The following NOS1 variants were observed in gnomAD, a reference collection of about 807,000 sequenced individuals.
NOS1 encodes the protein NOS type I.
A neutral mutation model predicts 164.5 loss-of-function variants in NOS1; 51 were observed. The observed-to-expected ratio is 0.31, with a 90% confidence interval of 0.25 to 0.39. The LOEUF (loss-of-function observed/expected upper bound fraction) is 0.39, where lower values mean the gene tolerates loss of function less well. Among genes scored for constraint, NOS1 ranks in the 10% least tolerant of loss-of-function variants. The pLI is 1.00. For missense variants in NOS1, 1,362 were observed against 1,885.6 expected, an observed-to-expected ratio of 0.72 and a Z score of 5.14; for synonymous variants, 719 against 745.8, an observed-to-expected ratio of 0.96 and a Z score of 0.59.
At chr12:117,287,982 C>A in intron 5 of NOS1, 92 bp downstream of exon 5, 1 of 1,451,282 alleles carries the variant, frequency 6.9e-7, no homozygotes. Context: ...AGGCCTTGTG[C>A]CTTGGCCTTG....
chr12:117,332,415 A>C (rs911039606), intron 1 of NOS1, among the ~76,000 whole-genome samples: 2 of 152,104 alleles, frequency 1.3e-5, no homozygotes, highest in African/African-American at 4.8e-5. Context: ...TTTTAAACTT[A>C]TACTCTAGCT....
At position 117,353,863 on chromosome 12, in the gene NOS1, G is replaced by A. The variant is rs1230303422; in HGVS notation, c.-421+7649C>T. 3.9e-5 allele frequency among the ~76,000 whole-genome samples: 6 copies of A among 152,126 alleles called. No individual in the cohort carries two copies. The East Asian group carries it at 1.2e-3, about 29-fold the overall frequency. On this transcript the variant is annotated intron_variant, in intron 1 of 28. Coordinates refer to ENST00000317775, the MANE Select transcript of NOS1 (RefSeq NM_000620.5). Reference sequence around the variant, plus strand: ...GCCTGTAATCCCAGCACTTTGGGACGCTGAGGCAGGAGGATCATTTGAGCC... The same window carrying A: ...GCCTGTAATCCCAGCACTTTGGGACACTGAGGCAGGAGGATCATTTGAGCC...
chr12:117,219,746 A>G (rs918718385), intron 27 of NOS1, among the ~76,000 whole-genome samples: 1 of 152,202 alleles, frequency 6.6e-6, no homozygotes, highest in Non-Finnish European at 1.5e-5. Context: ...CAACCTGCAC[A>G]ACTACATGGG....
intron 27 of NOS1, among the ~76,000 whole-genome samples, chr12:117,219,065 A>G (rs1411966153): frequency 7.1e-5 from 10 of 140,558 alleles, no homozygotes; most frequent in Non-Finnish European, 1.2e-4. Flanking sequence ...TGCAACCTCC[A>G]CCTCCCGGGT....
At chr12:117,229,577 T>TATC (rs1041621194) in intron 22 of NOS1, among the ~76,000 whole-genome samples, 1 of 151,956 alleles carries the variant, frequency 6.6e-6, no homozygotes, top group African/African-American at 2.4e-5. Flanking sequence ...TCTATCTATC[T>TATC]ATCTATCTAT....
intron 1 of NOS1, among the ~76,000 whole-genome samples, chr12:117,334,436 G>A (rs111832464): frequency 1.2e-3 from 182 of 151,996 alleles, no homozygotes; most frequent in African/African-American, 4.2e-3. Flanking sequence ...TCACTCTGTC[G>A]CCCAGGCTGG....
intron 1 of NOS1, among the ~76,000 whole-genome samples, chr12:117,342,152 CTCA>C (rs1566084232): frequency 6.6e-6 from 1 of 152,168 alleles, no homozygotes; most frequent in South Asian, 2.1e-4. Flanking sequence ...TTTGCCTCCT[CTCA>C]TCTTTTCTTT....
chr12:117,232,193 T>A (rs1869296853), intron 21 of NOS1, 62 bp from the exon 22 acceptor site: 2 of 1,518,716 alleles, frequency 1.3e-6, no homozygotes, highest in Non-Finnish European at 1.8e-6. Flanking sequence ...AGTCGGGGGT[T>A]CAGGTCTGCT....
chr12:117,290,165 G>C (rs988228878), intron 4 of NOS1, 133 bp downstream of exon 4: 9 of 1,025,308 alleles, frequency 8.8e-6, no homozygotes, highest in South Asian at 3.4e-5. Context: ...TGACATCTAG[G>C]GGGTATGGGT....
chr12:117,221,457 T>C (rs908658934), intron 26 of NOS1, among the ~76,000 whole-genome samples: 1 of 151,746 alleles, frequency 6.6e-6, no homozygotes. Context: ...CTAATTTTTA[T>C]ATTTTTATTA....
chr12:117,345,798 G>A (rs1223977451), intron 1 of NOS1, among the ~76,000 whole-genome samples: 3 of 152,130 alleles, frequency 2.0e-5, no homozygotes, highest in Non-Finnish European at 4.4e-5. Context: ...GGTCGAGGCT[G>A]CAGTGAGCCA....
At chr12:117,218,390 T>G (rs991838241) in intron 27 of NOS1, among the ~76,000 whole-genome samples, 1 of 152,062 alleles carries the variant, frequency 6.6e-6, no homozygotes, top group African/African-American at 2.4e-5. Flanking sequence ...ATAGCCCAGT[T>G]GGCAAAGAAC....
Position 117,212,766 on chromosome 12 carries a change from C to T in NOS1, c.*2543G>A. ...ACGAGGCCTGGATGAAAAGCCACCACGAGAGGGCAGTATTTCCCCACCCTT... is the reference window on the plus strand; with the variant it reads ...ACGAGGCCTGGATGAAAAGCCACCATGAGAGGGCAGTATTTCCCCACCCTT... On this transcript the variant is annotated 3_prime_UTR_variant, in exon 29 of 29. Coordinates refer to ENST00000317775, the MANE Select transcript of NOS1 (RefSeq NM_000620.5). 3.0e-6 allele frequency: 3 copies of T among 985,460 alleles called. No homozygotes were observed. The highest frequency in any genetic ancestry group is 1.2e-6 in the Non-Finnish European group (1 of 829,950). The allele number at this position is 985,460 out of a possible 1,614,324, so 61.0% of individuals were successfully genotyped here. A position where few individuals can be genotyped will look rare whatever the true frequency, so the allele number is the denominator to read the frequency against.
intron 2 of NOS1, among the ~76,000 whole-genome samples, chr12:117,317,108 T>C (rs1874702472): frequency 6.6e-6 from 1 of 152,150 alleles, no homozygotes; most frequent in African/African-American, 2.4e-5. Context: ...CTCCAACTCC[T>C]GACCTCAAGT....
chr12:117,325,527 G>A (rs1875200901), intron 2 of NOS1, among the ~76,000 whole-genome samples: 1 of 152,162 alleles, frequency 6.6e-6, no homozygotes, highest in African/African-American at 2.4e-5. Context: ...AAGGAAGAGA[G>A]TCTTGCATGC....
chr12:117,360,685 A>G (rs896592781), intron 1 of NOS1, among the ~76,000 whole-genome samples: 2 of 152,176 alleles, frequency 1.3e-5, no homozygotes, highest in African/African-American at 4.8e-5. Context: ...CCAGCCGCGG[A>G]CAGCTGGCAG....
rs16947469 is a variant in NOS1 at position 117,335,540 on chromosome 12, T to C, written c.-420-4051A>G. On this transcript the variant is annotated intron_variant, in intron 1 of 28. Coordinates refer to ENST00000317775, the MANE Select transcript of NOS1 (RefSeq NM_000620.5). ...GCCAATGAGAGGGAGGAAGCCCAAA[T>C]AGGCCAGCGTCTGCTACTCCCTCCT... Among the ~76,000 whole-genome samples, 806 of 152,080 alleles carry C rather than the reference T, an allele frequency of 5.3e-3. 7 individuals are homozygous for C. Among genetic ancestry groups the C allele is most frequent in the East Asian group, 0.04 (205 of 5,144 alleles).
In NOS1 at chr12:117,210,816, G is replaced by A. The variant is rs1956515481; in HGVS notation, c.*4493C>T. ...GTTTTCCCTCCGGGCATCTGGGCAT[G>A]GCTGGACTTGGGAAGGATTCACCCT... On this transcript the variant is annotated 3_prime_UTR_variant, in exon 29 of 29. Coordinates refer to ENST00000317775, the MANE Select transcript of NOS1 (RefSeq NM_000620.5). 4 of 985,300 alleles carry A rather than the reference G, an allele frequency of 4.1e-6. No homozygotes were observed. The South Asian group carries it at 1.9e-4, about 46-fold the overall frequency. The allele number at this position is 985,300 out of a possible 1,614,324, so 61.0% of individuals were successfully genotyped here.
chr12:117,319,557 C>T (rs1001338758), intron 2 of NOS1, among the ~76,000 whole-genome samples: 2 of 152,106 alleles, frequency 1.3e-5, no homozygotes, highest in East Asian at 1.9e-4. Flanking sequence ...GATGAGAGAC[C>T]CCGCAGTGGC....
Sources: allele counts gnomAD v4.1 joint callset (sites outside exome capture counted in the v4.1 genomes callset), GRCh38; gene constraint gnomAD v4.1.1; transcripts MANE v1.5; gene names NCBI Gene and HGNC (gene_info 2026-07-23, HGNC 2026-07-21).